Variants in WDR59 observed in about 807,000 individuals in gnomAD.
WDR59 encodes WD repeat domain 59.
A neutral mutation model predicts 131.2 loss-of-function variants in WDR59; 100 were observed. That is an observed-to-expected ratio of 0.76 (90% CI 0.65 to 0.90). The LOEUF is 0.90. Among genes scored for constraint, WDR59 ranks in the 40% least tolerant of loss-of-function variants. WDR59 has a pLI of 0.00. For missense variants in WDR59, 1,203 were observed against 1,262.2 expected, an observed-to-expected ratio of 0.95 and a Z score of 0.71; for synonymous variants, 601 against 466.2, an observed-to-expected ratio of 1.29 and a Z score of -3.72.
chr16:74,960,753 T>TAAAA (rs59914217), intron 2 of WDR59, among the ~76,000 whole-genome samples: 1 of 118,720 alleles, frequency 8.4e-6, no homozygotes, highest in Non-Finnish European at 1.8e-5. Context: ...GTCTCAAAAA[T>TAAAA]AAAAAAAAAA....
At chr16:74,926,713 G>C (rs1396725437) in intron 8 of WDR59, among the ~76,000 whole-genome samples, 2 of 152,154 alleles carry the variant, frequency 1.3e-5, no homozygotes, top group Middle Eastern at 3.2e-3. Context: ...TTGTTTTAGA[G>C]CAAAAGAAGA....
intron 2 of WDR59, among the ~76,000 whole-genome samples, chr16:74,957,584 T>C (rs904754925): frequency 6.6e-6 from 1 of 152,078 alleles, no homozygotes; most frequent in Admixed American, 6.6e-5. Context: ...AAAGGAATAA[T>C]AATTAAAATA....
intron 19 of WDR59, 50 bp from the exon 20 acceptor site, chr16:74,892,615 A>C (rs1028047445): frequency 6.9e-7 from 1 of 1,447,922 alleles, no homozygotes; most frequent in African/African-American, 1.4e-5. Context: ...GTAACTTCCC[A>C]AATCAACGAC....
intron 22 of WDR59, 45 bp from the exon 23 acceptor site, chr16:74,887,800 C>A (rs763243822): frequency 2.6e-6 from 4 of 1,557,184 alleles, no homozygotes; most frequent in African/African-American, 1.4e-5. Flanking sequence ...CATGAGAATA[C>A]CATTCCCCAT....
chr16:74,934,734 G>T (rs149384143), intron 8 of WDR59, among the ~76,000 whole-genome samples: 2 of 152,100 alleles, frequency 1.3e-5, no homozygotes, highest in Non-Finnish European at 2.9e-5. Flanking sequence ...GACTGCTTGA[G>T]CCCAGGAGTT....
chr16:74,897,113 T>C (rs1160039671), intron 18 of WDR59, among the ~76,000 whole-genome samples: 1 of 152,250 alleles, frequency 6.6e-6, no homozygotes, highest in Non-Finnish European at 1.5e-5. Flanking sequence ...AGATTGGCAC[T>C]GGATTCCAGC....
Position 74,885,735 on chromosome 16 carries a change from G to A in WDR59, c.2607C>T (p.Ile869=), listed in dbSNP as rs1369721627. The change falls in exon 25 of 26, where the codon ATC becomes ATT. Residue 869 remains isoleucine (I), a synonymous_variant. Transcript: ENST00000262144. ...TCTCTCTCAGACCCCAACGGTAGAG[G>A]ATTTCCCCATAGCATTTCTTAAAGT... ...FDDFKKCYGE[I]LYRWGLREKR... is the part of the protein sequence containing the mutation. 6.2e-7 allele frequency: 1 copy of A among 1,614,010 alleles called. No individual in the cohort carries two copies. The highest frequency in any genetic ancestry group is 1.3e-5 in the African/African-American group (1 of 74,906).
intron 2 of WDR59, 37 bp downstream of exon 2, chr16:74,965,736 A>G (rs1355784222): frequency 3.7e-6 from 6 of 1,613,362 alleles, no homozygotes; most frequent in Non-Finnish European, 5.1e-6. Context: ...AATCGTTTCC[A>G]GAAATCATGG....
At position 74,893,682 on chromosome 16, in the gene WDR59, T is replaced by A. The variant is rs961436625; in HGVS notation, c.1997A>T (p.Tyr666Phe). ...LPVHKSLGEL[Y>F]ILNVNDIQET... is the part of the protein sequence containing the mutation. ...AGACTTGAAATTTTGTACTTACATG[T>A]ACAGCTCTCCCAGCGATTTGTGAAC... Residue 666 changes from tyrosine to phenylalanine, a missense_variant, in exon 19 of 26, where the codon TAC (tyrosine) becomes TTC (phenylalanine). Coordinates refer to ENST00000262144, the MANE Select transcript of WDR59 (RefSeq NM_030581.4). 6.2e-7 allele frequency: 1 copy of A among 1,614,132 alleles called. No homozygotes were observed. Among genetic ancestry groups the A allele is most frequent in the Non-Finnish European group, 8.5e-7 (1 of 1,179,994 alleles).
intron 7 of WDR59, 129 bp from the exon 8 acceptor site, chr16:74,938,395 A>G (rs780532970): frequency 8.8e-6 from 5 of 566,432 alleles, no homozygotes; most frequent in Admixed American, 3.3e-5. Flanking sequence ...CCCTACACAG[A>G]CTTTGTTTGT....
chr16:74,940,830 C>T (rs1054849974), intron 7 of WDR59, among the ~76,000 whole-genome samples: 1 of 151,968 alleles, frequency 6.6e-6, no homozygotes, highest in Non-Finnish European at 1.5e-5. Flanking sequence ...CTCAGCCTCC[C>T]GAGTAGCTGG....
intron 8 of WDR59, among the ~76,000 whole-genome samples, chr16:74,931,619 G>A (rs1029077459): frequency 3.9e-5 from 6 of 152,130 alleles, no homozygotes; most frequent in East Asian, 1.9e-4. Flanking sequence ...CTACAGGTAT[G>A]AGTCACTGCA....
intron 14 of WDR59, 35 bp from the exon 15 acceptor site, chr16:74,909,952 A>G: frequency 6.6e-7 from 1 of 1,504,986 alleles, no homozygotes. Context: ...AAGAAGAGGA[A>G]CACATTTCTC....
intron 4 of WDR59, among the ~76,000 whole-genome samples, chr16:74,950,966 G>A (rs1420531514): frequency 2.0e-5 from 3 of 148,972 alleles, no homozygotes; most frequent in Non-Finnish European, 3.0e-5. Context: ...GACCAGCCTG[G>A]CCAACGTGGT....
chr16:74,897,543 G>T (rs1173709122), intron 18 of WDR59, among the ~76,000 whole-genome samples: 1 of 152,046 alleles, frequency 6.6e-6, no homozygotes, highest in Non-Finnish European at 1.5e-5. Context: ...GTGTTTCCTG[G>T]GACTTCTTGA....
rs762288713 is a variant in WDR59 at position 74,906,313 on chromosome 16, C to CAAAAAAAAAAAAAAA, written c.1713-2214_1713-2213insTTTTTTTTTTTTTTT. 5.2e-3 allele frequency among the ~76,000 whole-genome samples: 168 copies of CAAAAAAAAAAAAAAA among 32,406 alleles called. 31 individuals are homozygous for CAAAAAAAAAAAAAAA. Among genetic ancestry groups the CAAAAAAAAAAAAAAA allele is most frequent in the East Asian group, 0.026 (12 of 454 alleles). 21.3% of individuals were successfully genotyped at this position (32,406 alleles called of 152,430 possible). ...TGAGCGACAGAGCAAGACTCCGTCT[C>CAAAAAAAAAAAAAAA]AAAAAAAAAAAAACCCACAGTGAGA... On this transcript the variant is annotated intron_variant, in intron 17 of 25. Transcript: ENST00000262144.
At chr16:74,973,506 C>T (rs1234055224) in intron 1 of WDR59, among the ~76,000 whole-genome samples, 5 of 152,044 alleles carry the variant, frequency 3.3e-5, no homozygotes, top group Non-Finnish European at 7.4e-5. Flanking sequence ...CGGCTGGTCT[C>T]GAACCCCTGG....
chr16:74,899,319 T>C (rs1428097857), intron 18 of WDR59, among the ~76,000 whole-genome samples: 1 of 152,130 alleles, frequency 6.6e-6, no homozygotes, highest in Non-Finnish European at 1.5e-5. Flanking sequence ...GGAAGCCTCT[T>C]ATATCTTCCT....
intron 3 of WDR59, among the ~76,000 whole-genome samples, chr16:74,955,901 T>C (rs989343834): frequency 6.6e-6 from 1 of 151,978 alleles, no homozygotes; most frequent in Non-Finnish European, 1.5e-5. Context: ...TCTTTTTGTA[T>C]AAAGAAAAGA....
Sources: allele counts gnomAD v4.1 joint callset (sites outside exome capture counted in the v4.1 genomes callset), GRCh38; gene constraint gnomAD v4.1.1; transcripts MANE v1.5; gene names NCBI Gene and HGNC (gene_info 2026-07-23, HGNC 2026-07-21).